Variants in PPP2R2B observed in about 807,000 individuals in gnomAD.
The protein encoded by PPP2R2B is protein phosphatase 2 regulatory subunit Bbeta, also known as serine/threonine-protein phosphatase 2A 55 kDa regulatory subunit B beta isoform.
A neutral mutation model predicts 46.0 loss-of-function variants in PPP2R2B; 5 were observed. The ratio of observed to expected loss-of-function variants is 0.11; its 90% CI spans 0.06 to 0.23. PPP2R2B has a LOEUF of 0.23. Among genes scored for constraint, PPP2R2B ranks in the 10% least tolerant of loss-of-function variants. The pLI is 1.00. For missense variants in PPP2R2B, 367 were observed against 575.0 expected, an observed-to-expected ratio of 0.64 and a Z score of 3.70; for synonymous variants, 215 against 206.7, an observed-to-expected ratio of 1.04 and a Z score of -0.34.
intron 2 of PPP2R2B, among the ~76,000 whole-genome samples, chr5:146,742,900 C>A (rs1485556850): frequency 6.6e-6 from 1 of 152,112 alleles, no homozygotes; most frequent in Non-Finnish European, 1.5e-5. Context: ...TGGGGTGATG[C>A]ATCTGCAAGC....
At chr5:146,924,738 G>A (rs1251878102) in intron 1 of PPP2R2B, among the ~76,000 whole-genome samples, 2 of 152,108 alleles carry the variant, frequency 1.3e-5, no homozygotes, top group Non-Finnish European at 2.9e-5. Flanking sequence ...CCAGAATTAT[G>A]TAGGCCATCC....
chr5:146,922,578 A>G (rs549474189), intron 1 of PPP2R2B: 15 of 152,362 alleles, frequency 9.8e-5, no homozygotes, highest in African/African-American at 3.6e-4. Flanking sequence ...TGACTTCACA[A>G]TAGTCAATGT....
Position 146,904,329 on chromosome 5 carries a change from A to G in PPP2R2B, c.79+151336T>C, listed in dbSNP as rs375936116. On this transcript the variant is annotated intron_variant, in intron 1 of 8. Coordinates refer to the PPP2R2B transcript ENST00000336640. ...AAAGGAAAGAATGCAAGTTTATTAT[A>G]TAAGAACATTATTATAAAAGGAGAC... Among the ~76,000 whole-genome samples, 11 of 152,214 alleles carry G rather than the reference A, an allele frequency of 7.2e-5. 1 individual carries two copies. The East Asian group carries it at 1.3e-3, about 19-fold the overall frequency.
At chr5:146,709,916 T>C (rs1182370296) in intron 2 of PPP2R2B, among the ~76,000 whole-genome samples, 1 of 152,204 alleles carries the variant, frequency 6.6e-6, no homozygotes, top group Non-Finnish European at 1.5e-5. Context: ...GTTTTCCTTA[T>C]AGCACTTTGC....
chr5:146,975,145 C>T (rs1257024544), intron 1 of PPP2R2B, among the ~76,000 whole-genome samples: 1 of 152,140 alleles, frequency 6.6e-6, no homozygotes, highest in Non-Finnish European at 1.5e-5. Flanking sequence ...AAACTCTATA[C>T]TCACTAAACA....
At chr5:146,968,842 A>G (rs1752548118) in intron 1 of PPP2R2B, among the ~76,000 whole-genome samples, 1 of 152,220 alleles carries the variant, frequency 6.6e-6, no homozygotes, top group African/African-American at 2.4e-5. Context: ...ATGAATGTAT[A>G]TCATCTCAAA....
At chr5:146,756,394 C>T (rs1753831492) in intron 2 of PPP2R2B, among the ~76,000 whole-genome samples, 1 of 152,174 alleles carries the variant, frequency 6.6e-6, no homozygotes, top group Non-Finnish European at 1.5e-5. Flanking sequence ...AATAATGATA[C>T]TGCATGCTAG....
At chr5:146,593,629 C>A (rs1770880902) in intron 8 of PPP2R2B, among the ~76,000 whole-genome samples, 2 of 152,140 alleles carry the variant, frequency 1.3e-5, no homozygotes. Context: ...GATGAGGTAG[C>A]ACTGGAGCAG....
chr5:147,005,787 A>T (rs1263114429), intron 1 of PPP2R2B, among the ~76,000 whole-genome samples: 2 of 145,706 alleles, frequency 1.4e-5, no homozygotes, highest in African/African-American at 2.7e-5. Context: ...GAAAGAGAGA[A>T]AGAGAGAGAC....
At chr5:146,972,716 A>G (rs1477678070) in intron 1 of PPP2R2B, among the ~76,000 whole-genome samples, 2 of 152,166 alleles carry the variant, frequency 1.3e-5, no homozygotes, top group Non-Finnish European at 2.9e-5. Flanking sequence ...CATCTCAAAA[A>G]AACAAAAACA....
intron 2 of PPP2R2B, among the ~76,000 whole-genome samples, chr5:147,073,875 A>C: frequency 6.6e-6 from 1 of 151,976 alleles, no homozygotes; most frequent in East Asian, 1.9e-4. Flanking sequence ...ATCTTTACTA[A>C]AAATACAAAA....
At chr5:146,645,638 T>G (rs1025144306) in intron 6 of PPP2R2B, among the ~76,000 whole-genome samples, 2 of 152,200 alleles carry the variant, frequency 1.3e-5, no homozygotes, top group Non-Finnish European at 2.9e-5. Flanking sequence ...ACCTGGTCCC[T>G]TAATTAGGGA....
intron 1 of PPP2R2B, among the ~76,000 whole-genome samples, chr5:146,925,001 A>G (rs1160118322): frequency 6.6e-6 from 1 of 152,092 alleles, no homozygotes; most frequent in Non-Finnish European, 1.5e-5. Context: ...TCTTTTGGTT[A>G]ACAGTAATTT....
At chr5:146,915,764 T>C (rs888614907) in intron 1 of PPP2R2B, among the ~76,000 whole-genome samples, 1 of 152,190 alleles carries the variant, frequency 6.6e-6, no homozygotes, top group Non-Finnish European at 1.5e-5. Flanking sequence ...ATCACTGTTA[T>C]TGGGCCCTTC....
intron 2 of PPP2R2B, among the ~76,000 whole-genome samples, chr5:146,771,094 A>AATATTATCAGCCATC (rs1174005276): frequency 6.6e-6 from 1 of 152,220 alleles, no homozygotes; most frequent in African/African-American, 2.4e-5. Context: ...TTGGCTGATT[A>AATATTATCAGCCATC]TGAGATAACA....
At chr5:146,909,313 C>A (rs940859279) in intron 1 of PPP2R2B, among the ~76,000 whole-genome samples, 3 of 152,186 alleles carry the variant, frequency 2.0e-5, no homozygotes, top group African/African-American at 7.2e-5. Flanking sequence ...GAATTCAGTT[C>A]ATTTGCTTCT....
chr5:146,643,907 C>A (rs1221914631), intron 6 of PPP2R2B, among the ~76,000 whole-genome samples: 2 of 152,154 alleles, frequency 1.3e-5, no homozygotes, highest in Non-Finnish European at 2.9e-5. Context: ...GTATTTTCAG[C>A]CTTTTGGGCC....
chr5:146,906,731 C>T (rs1285178674), intron 1 of PPP2R2B, among the ~76,000 whole-genome samples: 3 of 152,040 alleles, frequency 2.0e-5, no homozygotes, highest in Non-Finnish European at 4.4e-5. Context: ...GGAAATGTGG[C>T]CACTGGAAAA....
At chr5:146,628,203 C>T (rs322490) in intron 7 of PPP2R2B, among the ~76,000 whole-genome samples, 7,557 of 152,204 alleles carry the variant, frequency 0.05, 630 homozygotes, top group African/African-American at 0.17. Context: ...CCTCAGCCTC[C>T]TAAAGTTCTG....
Sources: allele counts gnomAD v4.1 joint callset (sites outside exome capture counted in the v4.1 genomes callset), GRCh38; gene constraint gnomAD v4.1.1; transcripts MANE v1.5; gene names NCBI Gene and HGNC (gene_info 2026-07-23, HGNC 2026-07-21).